Variants in PPARGC1A observed in about 807,000 individuals in gnomAD.
The protein encoded by PPARGC1A is PPARG coactivator 1 alpha, also known as peroxisome proliferator-activated receptor gamma coactivator 1-alpha.
PPARGC1A carries 25 observed loss-of-function variants against 88.7 expected under a neutral mutation model. The ratio of observed to expected loss-of-function variants is 0.28; its 90% CI spans 0.21 to 0.39. The LOEUF (loss-of-function observed/expected upper bound fraction) is 0.39, where lower values mean the gene tolerates loss of function less well. Among genes scored for constraint, PPARGC1A ranks in the 10% least tolerant of loss-of-function variants. The pLI, the probability that PPARGC1A is intolerant of heterozygous loss-of-function variation, is 1.00. For missense variants in PPARGC1A, 880 were observed against 968.7 expected (o/e 0.91, Z 1.22); for synonymous variants, 363 against 355.6 (o/e 1.02, Z -0.24).
At chr4:24,325,028 C>T in the PPARGC1A span, among the ~76,000 whole-genome samples, 1 of 152,166 alleles carries the variant, frequency 6.6e-6, no homozygotes, top group Non-Finnish European at 1.5e-5. Flanking sequence ...CCCCACCTGC[C>T]CAGCAATTTA....
At chr4:24,139,164 C>T in the PPARGC1A span, among the ~76,000 whole-genome samples, 3 of 151,134 alleles carry the variant, frequency 2.0e-5, no homozygotes, top group African/African-American at 7.3e-5. Context: ...GACAGAGTCT[C>T]ACTCTGTCAC....
chr4:23,827,848 A>C (rs1223536209), intron 5 of PPARGC1A, among the ~76,000 whole-genome samples: 1 of 152,064 alleles, frequency 6.6e-6, no homozygotes, highest in South Asian at 2.1e-4. Flanking sequence ...AGGAAGAAGA[A>C]GAGGAAGGGG....
the PPARGC1A span, among the ~76,000 whole-genome samples, chr4:24,229,948 C>A: frequency 0.97 from 148,296 of 152,240 alleles, 72,351 homozygotes; most frequent in East Asian, 1. Context: ...ACAACATGGT[C>A]GCTGAAGGCA....
chr4:24,173,239 C>T, the PPARGC1A span, among the ~76,000 whole-genome samples: 1 of 149,132 alleles, frequency 6.7e-6, no homozygotes, highest in Non-Finnish European at 1.5e-5. Flanking sequence ...CCTTCTGATT[C>T]TGAGATTACG....
the PPARGC1A span, among the ~76,000 whole-genome samples, chr4:24,467,559 A>G: frequency 5.3e-5 from 8 of 152,064 alleles, no homozygotes; most frequent in African/African-American, 1.2e-4. Context: ...AGAAAAAAAA[A>G]CACTGAATTC....
chr4:24,300,458 C>T, the PPARGC1A span, among the ~76,000 whole-genome samples: 37,894 of 146,492 alleles, frequency 0.26, 5,290 homozygotes, highest in South Asian at 0.32. Context: ...TCAAAATACA[C>T]GGCTGTGTAA....
chr4:24,265,135 T>A, the PPARGC1A span, among the ~76,000 whole-genome samples: 3 of 152,054 alleles, frequency 2.0e-5, no homozygotes, highest in Non-Finnish European at 2.9e-5. Flanking sequence ...GAAATGTGGG[T>A]TTGTTAAAAG....
the PPARGC1A span, among the ~76,000 whole-genome samples, chr4:24,403,561 CTGAT>C: frequency 1.3e-5 from 2 of 152,288 alleles, no homozygotes; most frequent in Non-Finnish European, 2.9e-5. Flanking sequence ...CACCTCATCT[CTGAT>C]TGAACAGAAA....
chr4:23,886,510 G>A (rs1301297440), intron 1 of PPARGC1A, among the ~76,000 whole-genome samples: 1 of 152,072 alleles, frequency 6.6e-6, no homozygotes. Flanking sequence ...CCTGGCAGCA[G>A]GGACAAGGGA....
chr4:24,145,776 T>C, the PPARGC1A span, among the ~76,000 whole-genome samples: 4 of 152,212 alleles, frequency 2.6e-5, no homozygotes, highest in South Asian at 8.3e-4. Context: ...AATTTAATAG[T>C]GTGGGCCTTG....
the PPARGC1A span, among the ~76,000 whole-genome samples, chr4:24,328,634 G>A: frequency 6.6e-6 from 1 of 152,182 alleles, no homozygotes; most frequent in Admixed American, 6.5e-5. Flanking sequence ...GGCTACTTTT[G>A]ATTCAACACT....
chr4:23,834,938 A>G (rs1725738181), intron 2 of PPARGC1A, among the ~76,000 whole-genome samples: 1 of 152,204 alleles, frequency 6.6e-6, no homozygotes, highest in Non-Finnish European at 1.5e-5. Flanking sequence ...TCTCCATATT[A>G]TCTAATAATT....
the PPARGC1A span, among the ~76,000 whole-genome samples, chr4:24,085,290 TTC>T: frequency 1.3e-5 from 2 of 152,234 alleles, no homozygotes; most frequent in South Asian, 2.1e-4. Flanking sequence ...CGGCTTTATT[TTC>T]TGTTAATGAC....
At chr4:23,908,515 AG>A (rs1465485383), upstream of PPARGC1A, among the ~76,000 whole-genome samples, 80 of 55,856 alleles carry the variant, frequency 1.4e-3, no homozygotes, top group Non-Finnish European at 2.6e-3. Flanking sequence ...AATAGGGAAC[AG>A]GAAAAAAAAA....
the PPARGC1A span, among the ~76,000 whole-genome samples, chr4:24,219,665 A>T: frequency 6.6e-6 from 1 of 152,072 alleles, no homozygotes; most frequent in Non-Finnish European, 1.5e-5. Flanking sequence ...CCTCCTCCAA[A>T]CATGGACGCT....
chr4:23,945,813 C>T, the PPARGC1A span, among the ~76,000 whole-genome samples: 2 of 152,186 alleles, frequency 1.3e-5, no homozygotes, highest in African/African-American at 4.8e-5. Context: ...TAACTTGCTA[C>T]CGTTGCAAGG....
At chr4:24,398,624 A>G in the PPARGC1A span, among the ~76,000 whole-genome samples, 1 of 152,312 alleles carries the variant, frequency 6.6e-6, no homozygotes, top group Admixed American at 6.5e-5. Flanking sequence ...TGCAGCTCTC[A>G]TTCTGCTATT....
the PPARGC1A span, among the ~76,000 whole-genome samples, chr4:24,370,647 G>A: frequency 1.3e-5 from 2 of 150,306 alleles, no homozygotes; most frequent in South Asian, 4.2e-4. Flanking sequence ...AGAATTACAT[G>A]CTCCAGACTC....
At chr4:24,367,755 G>A in the PPARGC1A span, among the ~76,000 whole-genome samples, 3 of 151,944 alleles carry the variant, frequency 2.0e-5, no homozygotes, top group Non-Finnish European at 2.9e-5. Context: ...TTTCTTTGTC[G>A]CTAGAGAAAA....
Sources: allele counts gnomAD v4.1 joint callset (sites outside exome capture counted in the v4.1 genomes callset), GRCh38; gene constraint gnomAD v4.1.1; transcripts MANE v1.5; gene names NCBI Gene and HGNC (gene_info 2026-07-23, HGNC 2026-07-21).